PAK5: variants seen among roughly 807,000 people sequenced by gnomAD.
PAK5 encodes the protein p21 (RAC1) activated kinase 5.
Under a neutral mutation model 65.9 loss-of-function variants are expected in PAK5, and 16 were observed. The observed-to-expected ratio is 0.24, with a 90% CI of 0.16 to 0.37. The LOEUF (loss-of-function observed/expected upper bound fraction) is 0.37. PAK5 is among the 10% of genes least tolerant of loss of function. PAK5 has a pLI of 1.00. For synonymous variants in PAK5, 371 were observed against 354.9 expected (o/e 1.05, Z -0.51); for missense variants, 785 against 903.9 (o/e 0.87, Z 1.69).
At chr20:9,819,902 C>T (rs1319864520) in intron 1 of PAK5, among the ~76,000 whole-genome samples, 1 of 152,058 alleles carries the variant, frequency 6.6e-6, no homozygotes, top group Non-Finnish European at 1.5e-5. Flanking sequence ...AGGATCTAAA[C>T]CCAAGAGCTG....
intron 1 of PAK5, among the ~76,000 whole-genome samples, chr20:9,783,399 C>T (rs948319368): frequency 6.6e-6 from 1 of 152,156 alleles, no homozygotes; most frequent in East Asian, 1.9e-4. Context: ...CTGCTTGCCT[C>T]CTACCTGAAG....
chr20:9,714,390 T>C (rs796411729), intron 1 of PAK5, among the ~76,000 whole-genome samples: 7 of 152,262 alleles, frequency 4.6e-5, no homozygotes, highest in African/African-American at 1.7e-4. Flanking sequence ...GTACAAAAGG[T>C]CCATACTTAG....
At chr20:9,657,497 T>A (rs1271280666) in intron 2 of PAK5, among the ~76,000 whole-genome samples, 1 of 152,218 alleles carries the variant, frequency 6.6e-6, no homozygotes, top group Non-Finnish European at 1.5e-5. Context: ...GTATTACTAA[T>A]ATTTTTATAT....
chr20:9,556,271 G>A (rs1256487385), intron 7 of PAK5, among the ~76,000 whole-genome samples: 1 of 152,192 alleles, frequency 6.6e-6, no homozygotes, highest in East Asian at 1.9e-4. Context: ...ACATGTACAT[G>A]GAAATACGGG....
At chr20:9,790,024 A>T (rs1008320337) in intron 1 of PAK5, among the ~76,000 whole-genome samples, 1 of 152,166 alleles carries the variant, frequency 6.6e-6, no homozygotes, top group African/African-American at 2.4e-5. Context: ...GGGAGCTGGC[A>T]GAATTTAGTT....
chr20:9,580,249 T>G lies in PAK5; in HGVS notation c.886A>C (p.Met296Leu), dbSNP rs774498221. 1.2e-6 allele frequency: 2 copies of G among 1,614,098 alleles called. No homozygotes were observed. Among genetic ancestry groups the G allele is most frequent in the Non-Finnish European group, 8.5e-7 (1 of 1,180,006 alleles). ...SRSGSGLQEP[M>L]MPFGASAFKT... is the part of the protein sequence containing the mutation. Reference sequence around the variant, plus strand: ...AATGCACTTGCTCCAAATGGCATCATCGGTTCCTGGAGTCCCGAGCCTGAC... The same window carrying G: ...AATGCACTTGCTCCAAATGGCATCAGCGGTTCCTGGAGTCCCGAGCCTGAC... The change falls in exon 4 of 10, where the codon ATG (methionine) becomes CTG (leucine). Residue 296 changes from methionine (M) to leucine (L), a missense_variant. This residue lies in a region of PAK5 where 422 missense variants were observed against 413.3 expected (regional missense o/e 1.02). Coordinates refer to ENST00000353224, the MANE Select transcript of PAK5 (RefSeq NM_177990.4).
intron 2 of PAK5, among the ~76,000 whole-genome samples, chr20:9,645,896 C>T (rs569424002): frequency 6.6e-6 from 1 of 152,288 alleles, no homozygotes; most frequent in South Asian, 2.1e-4. Context: ...TATCTTCCTA[C>T]ACTTCTATGT....
At chr20:9,790,884 G>A (rs2049043566) in intron 1 of PAK5, among the ~76,000 whole-genome samples, 1 of 152,098 alleles carries the variant, frequency 6.6e-6, no homozygotes, top group African/African-American at 2.4e-5. Flanking sequence ...ATCTCACTCT[G>A]TACCATACAC....
chr20:9,762,413 T>C (rs1206188661), intron 1 of PAK5, among the ~76,000 whole-genome samples: 1 of 152,014 alleles, frequency 6.6e-6, no homozygotes, highest in Non-Finnish European at 1.5e-5. Context: ...TACAACTCAA[T>C]AGCAAATAAA....
intron 3 of PAK5, among the ~76,000 whole-genome samples, chr20:9,621,036 G>A (rs1240440170): frequency 1.3e-5 from 2 of 151,808 alleles, no homozygotes; most frequent in Admixed American, 6.6e-5. Context: ...CAGAGCTACC[G>A]GAAGAGACAG....
intron 1 of PAK5, among the ~76,000 whole-genome samples, chr20:9,732,296 T>C (rs2048342774): frequency 6.6e-6 from 1 of 152,220 alleles, no homozygotes; most frequent in Non-Finnish European, 1.5e-5. Flanking sequence ...TAAAGTGTGC[T>C]TTCTAGGGTA....
rs373482991 is a variant in PAK5 at position 9,760,031 on chromosome 20, A to G, written c.-161-48596T>C. On this transcript the variant is annotated intron_variant, in intron 1 of 9. Coordinates refer to ENST00000353224, the MANE Select transcript of PAK5 (RefSeq NM_177990.4). ...CTAATGTTTTCCAGGGCTTATATTG[A>G]AAGTGTGTAAATATTTGTAATTAAA... 4.6e-5 allele frequency among the ~76,000 whole-genome samples: 7 copies of G among 152,302 alleles called. No individual in the cohort carries two copies. In the East Asian group the frequency reaches 7.7e-4, roughly 17 times the overall value.
intron 7 of PAK5, among the ~76,000 whole-genome samples, chr20:9,545,576 C>A (rs1010069007): frequency 6.6e-6 from 1 of 151,956 alleles, no homozygotes; most frequent in Admixed American, 6.6e-5. Flanking sequence ...CTCTTCCAAC[C>A]TTTTTTTTCT....
At chr20:9,654,880 T>A (rs1391438616) in intron 2 of PAK5, among the ~76,000 whole-genome samples, 1 of 152,210 alleles carries the variant, frequency 6.6e-6, no homozygotes, top group Admixed American at 6.5e-5. Flanking sequence ...TGGTCTCAGA[T>A]CAAATGGAAC....
intron 2 of PAK5, among the ~76,000 whole-genome samples, chr20:9,661,526 T>A (rs6056787): frequency 6.6e-6 from 1 of 152,254 alleles, no homozygotes; most frequent in South Asian, 2.1e-4. Context: ...CCAATGACTA[T>A]GTAAATTCTA....
intron 1 of PAK5, among the ~76,000 whole-genome samples, chr20:9,726,921 G>A (rs572328642): frequency 1.0e-3 from 156 of 152,280 alleles, no homozygotes; most frequent in African/African-American, 3.4e-3. Flanking sequence ...TAATTCAACA[G>A]AATAGTAAAA....
In PAK5 at chr20:9,676,241, G is replaced by A. The variant is rs528018536; in HGVS notation, c.-11-31902C>T. ...CCATGATTCAATTACCTCCCACCGA[G>A]TCCCTCCCACAACATGTGGGAATTA... On this transcript the variant is annotated intron_variant, in intron 2 of 9. Transcript: ENST00000353224. 1.2e-4 allele frequency among the ~76,000 whole-genome samples: 18 copies of A among 152,098 alleles called. No individual in the cohort carries two copies. The South Asian group carries it at 3.8e-3, about 32-fold the overall frequency.
At chr20:9,607,216 T>C (rs1262487776) in intron 3 of PAK5, among the ~76,000 whole-genome samples, 4 of 152,154 alleles carry the variant, frequency 2.6e-5, no homozygotes, top group African/African-American at 9.7e-5. Flanking sequence ...TGCAGCCCAC[T>C]ATGGCTTCTC....
chr20:9,580,688 C>A lies in PAK5; in HGVS notation c.447G>T (p.Lys149Asn). ...GATCCAGATCATCTCCATAGAGACT[C>A]TTCTCCCTGTACTTTTCGGTCGTGT... ...ADYTTEKYRE[K>N]SLYGDDLDPY... Residue 149 changes from lysine to asparagine, a missense_variant, in exon 4 of 10, where the codon AAG becomes AAT. This residue lies in a region of PAK5 where 422 missense variants were observed against 413.3 expected (regional missense o/e 1.02). Coordinates refer to ENST00000353224, the MANE Select transcript of PAK5 (RefSeq NM_177990.4). The A allele has an allele frequency of 6.2e-7, 1 of 1,614,066 alleles. No homozygotes were observed. The highest frequency in any genetic ancestry group is 8.5e-7 in the Non-Finnish European group (1 of 1,180,016).
Sources: allele counts gnomAD v4.1 joint callset (sites outside exome capture counted in the v4.1 genomes callset), GRCh38; gene constraint gnomAD v4.1.1; regional missense constraint gnomAD v4.1.1; transcripts MANE v1.5; gene names NCBI Gene and HGNC (gene_info 2026-07-23, HGNC 2026-07-21).